Variants in KLF5 observed in about 807,000 individuals in gnomAD.
KLF5 encodes Krueppel-like factor 5.
Under a neutral mutation model 36.9 loss-of-function variants are expected in KLF5, and 9 were observed. The observed-to-expected ratio is 0.24, with a 90% CI of 0.15 to 0.43. The LOEUF (loss-of-function observed/expected upper bound fraction) is 0.43. KLF5 is among the 20% of genes least tolerant of loss of function. KLF5 has a pLI of 1.00. For missense variants in KLF5, 524 were observed against 599.5 expected, an observed-to-expected ratio of 0.87 and a Z score of 1.31; for synonymous variants, 246 against 241.7, an observed-to-expected ratio of 1.02 and a Z score of -0.17.
At chr13:73,060,567 G>A (rs1047025279) in intron 1 of KLF5, 1 of 152,280 alleles carries the variant, frequency 6.6e-6, no homozygotes, top group African/African-American at 2.4e-5. Context: ...TGAGAGGGCA[G>A]TGGCGTTTGT....
At chr13:73,060,177 A>G (rs1315452132) in intron 1 of KLF5, among the ~76,000 whole-genome samples, 1 of 150,412 alleles carries the variant, frequency 6.6e-6, no homozygotes, top group East Asian at 2.0e-4. Flanking sequence ...AAAAAAAAAA[A>G]AAGACCGGGG....
chr13:73,069,454 A>C (rs977975518), intron 3 of KLF5, among the ~76,000 whole-genome samples: 1 of 152,010 alleles, frequency 6.6e-6, no homozygotes, highest in Non-Finnish European at 1.5e-5. Context: ...TATCACATTT[A>C]TTAGCCTTTA....
intron 3 of KLF5, among the ~76,000 whole-genome samples, chr13:73,067,215 C>A (rs1281702432): frequency 6.6e-6 from 1 of 152,150 alleles, no homozygotes; most frequent in East Asian, 1.9e-4. Flanking sequence ...AAAGTTGCTC[C>A]CAAGTATACT....
intron 3 of KLF5, among the ~76,000 whole-genome samples, chr13:73,069,101 A>T (rs1212350280): frequency 6.6e-6 from 1 of 152,196 alleles, no homozygotes; most frequent in East Asian, 1.9e-4. Context: ...ATCTGAAAAA[A>T]TAATAATAAT....
chr13:73,058,014 C>CT (rs1388073477), upstream of KLF5, among the ~76,000 whole-genome samples: 2 of 152,168 alleles, frequency 1.3e-5, no homozygotes, highest in East Asian at 3.9e-4. Context: ...ATGTTTGCGG[C>CT]TTTTTGATTG....
chr13:73,074,943 CAAAG>C (rs1483984405), intron 3 of KLF5: 1 of 151,854 alleles, frequency 6.6e-6, no homozygotes, highest in Non-Finnish European at 1.5e-5. Flanking sequence ...TAACACATGA[CAAAG>C]AAAAACTAAA....
intron 3 of KLF5, among the ~76,000 whole-genome samples, chr13:73,073,927 G>C (rs1459677871): frequency 6.6e-6 from 1 of 152,090 alleles, no homozygotes; most frequent in Non-Finnish European, 1.5e-5. Context: ...TTAAATTTCT[G>C]GTTAGAATCT....
At position 73,059,576 on chromosome 13, in the gene KLF5, G is replaced by T; in HGVS notation, c.249G>T (p.Glu83Asp). 1 of 1,166,666 alleles carries T rather than the reference G, an allele frequency of 8.6e-7. No individual in the cohort carries two copies. Among genetic ancestry groups the T allele is most frequent in the Non-Finnish European group, 1.1e-6 (1 of 949,292 alleles). 72.3% of individuals were successfully genotyped at this position (1,166,666 alleles called of 1,614,324 possible). A position where few individuals can be genotyped will look rare whatever the true frequency, so the allele number is the denominator to read the frequency against. The change falls in exon 1 of 4, where the codon GAG (glutamate) becomes GAT (aspartate). Residue 83 changes from glutamate (E) to aspartate (D), a missense_variant. Physicochemically the swap from Glu to Asp is conservative, Grantham distance 45 (BLOSUM62 2). Transcript: ENST00000377687. ...CCACCGGCCCGCGGCTGCCTCCAGA[G>T]GACCTGGTCCAGGTAGGAAGAGCCG... ...PPATGPRLPP[E>D]DLVQTRCEME...
At chr13:73,068,317 T>C (rs1364454314) in intron 3 of KLF5, among the ~76,000 whole-genome samples, 1 of 152,354 alleles carries the variant, frequency 6.6e-6, no homozygotes, top group African/African-American at 2.4e-5. Flanking sequence ...TGTAGTAAGA[T>C]GTTATTAGTT....
At position 73,062,085 on chromosome 13, in the gene KLF5, G is replaced by C; in HGVS notation, c.486G>C (p.Lys162Asn). 1 of 1,614,120 alleles carries C rather than the reference G, an allele frequency of 6.2e-7. No individual in the cohort carries two copies. Among genetic ancestry groups the C allele is most frequent in the Non-Finnish European group, 8.5e-7 (1 of 1,180,042 alleles). Residue 162 changes from lysine (K) to asparagine (N), a missense_variant, in exon 2 of 4, where the codon AAG (lysine) becomes AAC (asparagine). Coordinates refer to ENST00000377687, the MANE Select transcript of KLF5 (RefSeq NM_001730.5). ...KSQRPCVTHI[K>N]TEPVAIFSHQ... ...AGAGACCGTGCGTAACACACATCAA[G>C]ACAGAACCTGTTGCCATTTTCAGCC... is the stretch of plus-strand genomic sequence containing the variant.
chr13:73,069,760 C>G (rs999188639), intron 3 of KLF5, among the ~76,000 whole-genome samples: 1 of 152,128 alleles, frequency 6.6e-6, no homozygotes, highest in Non-Finnish European at 1.5e-5. Context: ...TAAAGCTTAT[C>G]AAAAGTTAAG....
At chr13:73,072,007 G>A (rs1308874022) in intron 3 of KLF5, among the ~76,000 whole-genome samples, 1 of 152,160 alleles carries the variant, frequency 6.6e-6, no homozygotes, top group African/African-American at 2.4e-5. Flanking sequence ...TAGTCACCAG[G>A]AAGGAAACCG....
chr13:73,070,084 A>G (rs1373041268), intron 3 of KLF5, among the ~76,000 whole-genome samples: 1 of 152,348 alleles, frequency 6.6e-6, no homozygotes, highest in East Asian at 1.9e-4. Flanking sequence ...TCTGTTAGCC[A>G]GTATTATTTA....
chr13:73,059,390 G>A lies in KLF5; in HGVS notation c.63G>A (p.Pro21=). 2 of 1,403,006 alleles carry A rather than the reference G, an allele frequency of 1.4e-6. No homozygotes were observed. The highest frequency in any genetic ancestry group is 2.8e-5 in the Admixed American group (1 of 35,114). 86.9% of individuals were successfully genotyped at this position (1,403,006 alleles called of 1,614,324 possible). A position where few individuals can be genotyped will look rare whatever the true frequency, so the allele number is the denominator to read the frequency against. ...RLGPVPQPPA[P]QDEPVFAQLK... ...GACCCGTGCCCCAGCCGCCGGCGCC[G>A]CAGGACGAGCCGGTGTTCGCGCAGC... Residue 21 remains proline (P), a synonymous_variant, in exon 1 of 4, where the codon CCG becomes CCA. Transcript: ENST00000377687.
intron 3 of KLF5, among the ~76,000 whole-genome samples, chr13:73,071,673 G>T (rs967904050): frequency 2.0e-5 from 3 of 151,952 alleles, no homozygotes; most frequent in Non-Finnish European, 4.4e-5. Context: ...ACTAAATTTC[G>T]TAAGTCTCAA....
chr13:73,064,392 T>C (rs576357630), intron 3 of KLF5, among the ~76,000 whole-genome samples: 1 of 152,304 alleles, frequency 6.6e-6, no homozygotes, highest in East Asian at 1.9e-4. Flanking sequence ...GAAATTGCAG[T>C]GTTAAAATCA....
intron 3 of KLF5, among the ~76,000 whole-genome samples, chr13:73,067,877 C>T (rs958732641): frequency 1.5e-4 from 22 of 147,916 alleles, no homozygotes; most frequent in African/African-American, 5.3e-4. Flanking sequence ...GTCTCGCTTT[C>T]GTCCCCAGGC....
At chr13:73,075,670 C>T in intron 3 of KLF5, 38 bp from the exon 4 acceptor site, 1 of 1,521,652 alleles carries the variant, frequency 6.6e-7, no homozygotes, top group Non-Finnish European at 9.0e-7. Flanking sequence ...GTTTGCATTA[C>T]AAGCAGGCCG....
chr13:73,068,935 A>G (rs1015956630), intron 3 of KLF5, among the ~76,000 whole-genome samples: 1 of 151,850 alleles, frequency 6.6e-6, no homozygotes, highest in Non-Finnish European at 1.5e-5. Context: ...GTCTCTACTA[A>G]AAATACAAAA....
Sources: gnomAD v4.1 joint callset for allele counts (sites outside exome capture counted in the v4.1 genomes callset) on GRCh38, gnomAD v4.1.1 for gene constraint, MANE v1.5 for transcripts, NCBI Gene and HGNC (gene_info 2026-07-23, HGNC 2026-07-21) for gene names.